ARHGAP15: variants seen among roughly 807,000 people sequenced by gnomAD.
The protein encoded by ARHGAP15 is Rho GTPase activating protein 15.
A neutral mutation model predicts 63.7 loss-of-function variants in ARHGAP15; 51 were observed. The ratio of observed to expected loss-of-function variants is 0.80; its 90% CI spans 0.64 to 1.01. The LOEUF is 1.01. ARHGAP15 is among the 50% of genes least tolerant of loss of function. The pLI, the probability that ARHGAP15 is intolerant of heterozygous loss-of-function variation, is 0.00. For missense variants in ARHGAP15, 560 were observed against 564.6 expected (o/e 0.99, Z 0.08); for synonymous variants, 191 against 193.8 (o/e 0.99, Z 0.12).
chr2:143,238,921 C>T (rs1465852439), intron 5 of ARHGAP15, among the ~76,000 whole-genome samples: 2 of 152,052 alleles, frequency 1.3e-5, no homozygotes, highest in East Asian at 3.9e-4. Context: ...AAATCATTAT[C>T]CTTAGCAAAC....
At chr2:143,159,623 G>T (rs1690214441) in intron 2 of ARHGAP15, among the ~76,000 whole-genome samples, 1 of 151,924 alleles carries the variant, frequency 6.6e-6, no homozygotes, top group Non-Finnish European at 1.5e-5. Flanking sequence ...AACACAGACT[G>T]TCAACTCCAT....
At chr2:143,673,714 G>T in intron 12 of ARHGAP15, among the ~76,000 whole-genome samples, 1 of 122,490 alleles carries the variant, frequency 8.2e-6, no homozygotes, top group African/African-American at 3.1e-5. Flanking sequence ...TCTGATAAAG[G>T]CCTTATATTG....
At chr2:143,259,136 C>T (rs1680583984) in intron 6 of ARHGAP15, among the ~76,000 whole-genome samples, 2 of 151,852 alleles carry the variant, frequency 1.3e-5, no homozygotes, top group Non-Finnish European at 2.9e-5. Flanking sequence ...GATTTGAAAT[C>T]AATTCATGGA....
At chr2:143,177,891 A>C (rs1397560163) in intron 2 of ARHGAP15, among the ~76,000 whole-genome samples, 1 of 152,214 alleles carries the variant, frequency 6.6e-6, no homozygotes, top group Admixed American at 6.5e-5. Flanking sequence ...TTTATTAAAA[A>C]TATGCTATTT....
chr2:143,303,241 G>A (rs1391919365), intron 6 of ARHGAP15, among the ~76,000 whole-genome samples: 1 of 152,012 alleles, frequency 6.6e-6, no homozygotes, highest in Non-Finnish European at 1.5e-5. Flanking sequence ...GAGAATGGGA[G>A]AAAAATTTTG....
At chr2:143,353,952 A>G (rs1225756140) in intron 6 of ARHGAP15, among the ~76,000 whole-genome samples, 2 of 152,158 alleles carry the variant, frequency 1.3e-5, no homozygotes, top group African/African-American at 4.8e-5. Flanking sequence ...TTAAGGCTCT[A>G]GAATGATGTT....
At chr2:143,673,871 C>G (rs1464733596) in intron 12 of ARHGAP15, among the ~76,000 whole-genome samples, 1 of 148,094 alleles carries the variant, frequency 6.8e-6, no homozygotes, top group East Asian at 2.0e-4. Flanking sequence ...AGAAGATACA[C>G]AAATGATCGA....
At chr2:143,443,923 C>G (rs1690014284) in intron 8 of ARHGAP15, among the ~76,000 whole-genome samples, 1 of 152,148 alleles carries the variant, frequency 6.6e-6, no homozygotes, top group African/African-American at 2.4e-5. Flanking sequence ...TTCAATGAAT[C>G]ATTTGATAAG....
chr2:143,471,335 T>G (rs566213180), intron 8 of ARHGAP15, among the ~76,000 whole-genome samples: 1 of 150,814 alleles, frequency 6.6e-6, no homozygotes, highest in Admixed American at 6.6e-5. Context: ...CTTTTTTGCT[T>G]AAAGATTATC....
At chr2:143,436,761 T>G (rs1194284056) in intron 7 of ARHGAP15, 152 bp from the exon 8 acceptor site, 2 of 662,764 alleles carry the variant, frequency 3.0e-6, no homozygotes, top group African/African-American at 3.7e-5. Context: ...TATAAACTAT[T>G]ATTAGAGTAT....
At chr2:143,248,483 A>T (rs1321431118) in intron 5 of ARHGAP15, among the ~76,000 whole-genome samples, 2 of 152,226 alleles carry the variant, frequency 1.3e-5, no homozygotes, top group Non-Finnish European at 2.9e-5. Flanking sequence ...ATCATGGTTA[A>T]GAACAGTCTC....
At chr2:143,314,022 G>A (rs1683579149) in intron 6 of ARHGAP15, among the ~76,000 whole-genome samples, 1 of 141,796 alleles carries the variant, frequency 7.1e-6, no homozygotes, top group Non-Finnish European at 1.5e-5. Context: ...TAATTTTATT[G>A]TTTTTCTCCC....
intron 3 of ARHGAP15, among the ~76,000 whole-genome samples, chr2:143,207,763 A>G (rs10201629): frequency 0.72 from 109,762 of 152,068 alleles, 40,215 homozygotes; most frequent in East Asian, 0.94. Flanking sequence ...ATATTGATGA[A>G]CAATGCCCCA....
At chr2:143,323,748 G>C (rs905429547) in intron 6 of ARHGAP15, among the ~76,000 whole-genome samples, 2 of 151,538 alleles carry the variant, frequency 1.3e-5, no homozygotes, top group Non-Finnish European at 2.9e-5. Flanking sequence ...TCAGCCGGGC[G>C]TTGTGGCGGA....
intron 2 of ARHGAP15, among the ~76,000 whole-genome samples, chr2:143,186,132 G>A (rs778674042): frequency 3.3e-5 from 5 of 151,980 alleles, no homozygotes; most frequent in Non-Finnish European, 7.4e-5. Flanking sequence ...GCTAGATGAG[G>A]GACATAAAAT....
chr2:143,288,767 C>T (rs1203244630), intron 6 of ARHGAP15, among the ~76,000 whole-genome samples: 1 of 151,276 alleles, frequency 6.6e-6, no homozygotes, highest in Non-Finnish European at 1.5e-5. Context: ...AAGGTGCCAT[C>T]TCAGCAGAAG....
rs1558779622 is a variant in ARHGAP15, at chr2:143,153,843, T to TCCTCCTCCTCCTCCTCC, written c.-14-1634_-14-1633insCCTCCTCCTCCTCCTCC. On this transcript the variant is annotated intron_variant, in intron 1 of 13. Coordinates refer to ENST00000295095, the MANE Select transcript of ARHGAP15 (RefSeq NM_018460.4). Reference sequence around the variant, plus strand: ...CTTCTTCTTCTTCTTCTTCTTCTTCTTCCTCCTCCTCCTCCTCCTCCTCCT... The same window carrying TCCTCCTCCTCCTCCTCC: ...CTTCTTCTTCTTCTTCTTCTTCTTCTCCTCCTCCTCCTCCTCCTCCTCCTCCTCCTCCTCCTCCTCCT... Among the ~76,000 whole-genome samples the TCCTCCTCCTCCTCCTCC allele has an allele frequency of 3.2e-4, 28 of 86,884 alleles. 1 individual carries two copies. Among genetic ancestry groups the TCCTCCTCCTCCTCCTCC allele is most frequent in the African/African-American group, 7.1e-4 (15 of 21,042 alleles). 57.0% of individuals were successfully genotyped at this position (86,884 alleles called of 152,430 possible).
At chr2:143,534,806 G>A (rs1450596324) in intron 10 of ARHGAP15, among the ~76,000 whole-genome samples, 1 of 151,862 alleles carries the variant, frequency 6.6e-6, no homozygotes, top group Non-Finnish European at 1.5e-5. Context: ...CCTGAGCCTG[G>A]AGAGGTTGAG....
chr2:143,403,031 A>G (rs564139627), intron 6 of ARHGAP15, among the ~76,000 whole-genome samples: 1 of 152,038 alleles, frequency 6.6e-6, no homozygotes, highest in African/African-American at 2.4e-5. Flanking sequence ...AACCTTTAAA[A>G]GTAATTAGTA....
Sources: allele counts gnomAD v4.1 joint callset (sites outside exome capture counted in the v4.1 genomes callset), GRCh38; gene constraint gnomAD v4.1.1; transcripts MANE v1.5; gene names NCBI Gene and HGNC (gene_info 2026-07-23, HGNC 2026-07-21).